Variants in RSPO2 observed in about 807,000 individuals in gnomAD.
The protein encoded by RSPO2 is R-spondin 2, also known as R-spondin-2.
A neutral mutation model predicts 30.9 loss-of-function variants in RSPO2; 14 were observed. The observed-to-expected ratio is 0.45, with a 90% CI of 0.30 to 0.71. The LOEUF (loss-of-function observed/expected upper bound fraction) is 0.71, where lower values mean the gene tolerates loss of function less well. RSPO2 is among the 30% of genes least tolerant of loss of function. The pLI is 0.08. For synonymous variants in RSPO2, 107 were observed against 96.4 expected (o/e 1.11, Z -0.64); for missense variants, 264 against 301.9 (o/e 0.87, Z 0.93).
chr8:107,918,151 G>T (rs925830247), intron 5 of RSPO2, among the ~76,000 whole-genome samples: 1 of 152,056 alleles, frequency 6.6e-6, no homozygotes, highest in Non-Finnish European at 1.5e-5. Flanking sequence ...AAACGTTGTT[G>T]ATCCTTTTTG....
chr8:107,975,334 A>C (rs1460255546), intron 3 of RSPO2, among the ~76,000 whole-genome samples: 1 of 152,230 alleles, frequency 6.6e-6, no homozygotes, highest in Non-Finnish European at 1.5e-5. Context: ...CAAAACTGAA[A>C]AGCATTCCAG....
chr8:108,069,508 G>A (rs1029423862), intron 2 of RSPO2, among the ~76,000 whole-genome samples: 2 of 152,142 alleles, frequency 1.3e-5, no homozygotes, highest in South Asian at 2.1e-4. Flanking sequence ...CACTACGCCC[G>A]GCAAGTTCTT....
chr8:108,071,217 A>G (rs1270231091), intron 2 of RSPO2, among the ~76,000 whole-genome samples: 1 of 152,366 alleles, frequency 6.6e-6, no homozygotes, highest in Non-Finnish European at 1.5e-5. Context: ...TTGGGGAATC[A>G]GTTTTCAAGG....
chr8:108,075,648 G>C (rs1008893211), intron 2 of RSPO2, among the ~76,000 whole-genome samples: 1 of 151,146 alleles, frequency 6.6e-6, no homozygotes, highest in South Asian at 2.1e-4. Flanking sequence ...ACTTCAGAAT[G>C]AGTACTGGGC....
chr8:107,912,948 C>G (rs1811867742), intron 5 of RSPO2, among the ~76,000 whole-genome samples: 1 of 152,128 alleles, frequency 6.6e-6, no homozygotes, highest in Non-Finnish European at 1.5e-5. Flanking sequence ...TAAAATATCC[C>G]TATGAAATAC....
chr8:108,015,731 T>C (rs1810871037), intron 2 of RSPO2, among the ~76,000 whole-genome samples: 1 of 151,774 alleles, frequency 6.6e-6, no homozygotes. Context: ...CCAGCCCCAC[T>C]CCTTGTGTAT....
intron 2 of RSPO2, among the ~76,000 whole-genome samples, chr8:108,061,453 G>A (rs1812461209): frequency 6.6e-6 from 1 of 151,768 alleles, no homozygotes; most frequent in Admixed American, 6.6e-5. Flanking sequence ...ATTACATCAT[G>A]GTAAAGGGAT....
At chr8:107,959,820 T>C (rs1416043446) in intron 4 of RSPO2, among the ~76,000 whole-genome samples, 1 of 152,196 alleles carries the variant, frequency 6.6e-6, no homozygotes, top group East Asian at 1.9e-4. Flanking sequence ...TGTTTAAATG[T>C]CTTCTTTGCA....
chr8:108,068,004 G>C (rs1168210894), intron 2 of RSPO2, among the ~76,000 whole-genome samples: 2 of 152,100 alleles, frequency 1.3e-5, no homozygotes, highest in Admixed American at 1.3e-4. Flanking sequence ...GGGAGGCAGA[G>C]GTTGCAGTGA....
At chr8:107,964,850 CTCATTA>C (rs1813745168) in intron 3 of RSPO2, among the ~76,000 whole-genome samples, 1 of 152,154 alleles carries the variant, frequency 6.6e-6, no homozygotes, top group Non-Finnish European at 1.5e-5. Context: ...GTAAAACATT[CTCATTA>C]TAAGTAAAAA....
intron 2 of RSPO2, among the ~76,000 whole-genome samples, chr8:107,990,532 A>G (rs752368248): frequency 2.0e-5 from 3 of 152,178 alleles, no homozygotes; most frequent in Non-Finnish European, 4.4e-5. Context: ...AGAACAACAA[A>G]ACACTACCCA....
chr8:108,074,955 C>T (rs1387343415), intron 2 of RSPO2, among the ~76,000 whole-genome samples: 1 of 152,204 alleles, frequency 6.6e-6, no homozygotes, highest in Non-Finnish European at 1.5e-5. Context: ...AATACACACA[C>T]ATCTGTATCT....
At chr8:107,974,321 TA>T (rs1317807500) in intron 3 of RSPO2, among the ~76,000 whole-genome samples, 16 of 116,296 alleles carry the variant, frequency 1.4e-4, no homozygotes, top group African/African-American at 6.1e-4. Flanking sequence ...ACTTCATCTC[TA>T]CAAAAAAAAA....
chr8:108,025,415 C>T (rs1243958273), intron 2 of RSPO2, among the ~76,000 whole-genome samples: 2 of 152,132 alleles, frequency 1.3e-5, no homozygotes, highest in Non-Finnish European at 1.5e-5. Flanking sequence ...CATCCTGGGA[C>T]AATGTGTGCA....
chr8:107,925,476 A>G (rs1318781246), intron 5 of RSPO2, among the ~76,000 whole-genome samples: 1 of 152,032 alleles, frequency 6.6e-6, no homozygotes, highest in Non-Finnish European at 1.5e-5. Context: ...ACATATGTAT[A>G]CATGGGCCAT....
At chr8:108,052,984 G>A (rs1015800130) in intron 2 of RSPO2, among the ~76,000 whole-genome samples, 2 of 152,054 alleles carry the variant, frequency 1.3e-5, no homozygotes, top group South Asian at 4.2e-4. Flanking sequence ...TACAGTTTGT[G>A]GCAGAGCTAG....
rs1334200444 is a variant in RSPO2 at position 107,989,252 on chromosome 8, A to C, written c.95-8T>G. 1.3e-6 allele frequency: 2 copies of C among 1,538,486 alleles called. No individual in the cohort carries two copies. The highest frequency in any genetic ancestry group is 1.7e-6 in the Non-Finnish European group (2 of 1,148,528). On this transcript the variant is annotated splice_polypyrimidine_tract_variant and splice_region_variant and intron_variant, in intron 2 of 5. Coordinates refer to ENST00000276659, the MANE Select transcript of RSPO2 (RefSeq NM_178565.5). ...GATTTGATACATAACTAGCTGTAAA[A>C]GAAAAACAAAAATTGTGTTTAATTA...
In RSPO2 at chr8:107,989,149, G is replaced by A. The variant is rs1814759184; in HGVS notation, c.190C>T (p.Arg64Ter). The A allele has an allele frequency of 2.5e-6, 4 of 1,612,184 alleles. No homozygotes were observed. Among genetic ancestry groups the A allele is most frequent in the African/African-American group, 1.3e-5 (1 of 74,854 alleles). The change falls in exon 3 of 6, where the codon CGA (arginine) becomes TGA (stop). Residue 64 changes from arginine (R) to a stop codon, truncating the protein, a stop_gained. Transcript: ENST00000276659. LOFTEE classifies it high-confidence loss of function. ...RCQQKLFFFL[R>*]REGMRQYGEC... is the part of the protein sequence containing the mutation. ...CCATACTGGCGCATCCCTTCTCTTCGAAGGAAGAAGAACAACTTCTGTTGA... is the reference window on the plus strand; with the variant it reads ...CCATACTGGCGCATCCCTTCTCTTCAAAGGAAGAAGAACAACTTCTGTTGA...
At chr8:107,998,413 T>C (rs1410147145) in intron 2 of RSPO2, among the ~76,000 whole-genome samples, 1 of 152,194 alleles carries the variant, frequency 6.6e-6, no homozygotes, top group African/African-American at 2.4e-5. Context: ...TGAATTAATG[T>C]GCCACACAAG....
Sources: allele counts gnomAD v4.1 joint callset (sites outside exome capture counted in the v4.1 genomes callset), GRCh38; gene constraint gnomAD v4.1.1; transcripts MANE v1.5; gene names NCBI Gene and HGNC (gene_info 2026-07-23, HGNC 2026-07-21).